The following GRAMD1A variants were observed in gnomAD, a reference collection of about 807,000 sequenced individuals.
GRAMD1A encodes the protein protein Aster-A.
Under a neutral mutation model 92.0 loss-of-function variants are expected in GRAMD1A, and 50 were observed. The ratio of observed to expected loss-of-function variants is 0.54; its 90% CI spans 0.43 to 0.69. The LOEUF (loss-of-function observed/expected upper bound fraction) is 0.69, where lower values mean the gene tolerates loss of function less well. Among genes scored for constraint, GRAMD1A ranks in the 30% least tolerant of loss-of-function variants. The pLI is 0.00. For synonymous variants in GRAMD1A, 405 were observed against 403.6 expected, an observed-to-expected ratio of 1.00 and a Z score of -0.04; for missense variants, 819 against 978.9, an observed-to-expected ratio of 0.84 and a Z score of 2.18.
chr19:35,000,986 G>A lies in GRAMD1A; in HGVS notation c.8+500G>A, dbSNP rs532961811. ...GTCCTTGGCTGTTGCGGGTCTCGGG[G>A]CTGCCGGGGGTGGGGGCTTCCTGCG... On this transcript the variant is annotated intron_variant, in intron 1 of 19. Transcript: ENST00000317991. The surrounding 1 kb of genome is among the most constrained non-coding windows in gnomAD (Gnocchi z 4.9). 5.9e-5 allele frequency among the ~76,000 whole-genome samples: 9 copies of A among 152,196 alleles called. No homozygotes were observed. The highest frequency in any genetic ancestry group is 8.8e-5 in the Non-Finnish European group (6 of 67,984).
intron 17 of GRAMD1A, 105 bp downstream of exon 17, chr19:35,023,016 T>G: frequency 1.1e-6 from 1 of 946,256 alleles, no homozygotes; most frequent in Admixed American, 2.2e-5. Flanking sequence ...GGAGGTGGCC[T>G]GGCATGGCAG....
intron 13 of GRAMD1A, among the ~76,000 whole-genome samples, chr19:35,020,470 G>A (rs1245991365): frequency 6.6e-6 from 1 of 152,056 alleles, no homozygotes; most frequent in African/African-American, 2.4e-5. Context: ...CCTAGGAGGT[G>A]GAGGTTGCAG....
chr19:34,996,293 T>C, upstream of GRAMD1A: 1 of 1,516,798 alleles, frequency 6.6e-7, no homozygotes, highest in Non-Finnish European at 8.8e-7. Context: ...CCAGGACAGG[T>C]CAGACCTGGG....
intron 11 of GRAMD1A, among the ~76,000 whole-genome samples, chr19:35,017,485 C>T (rs1266057075): frequency 1.3e-5 from 2 of 152,048 alleles, no homozygotes; most frequent in Admixed American, 6.6e-5. Context: ...TCCCATCTGA[C>T]ACGCTCCTCC....
rs140685696 is a variant in GRAMD1A at position 35,010,037 on chromosome 19, C to T, written c.326-55C>T. ...CTGTGACTCTCCGCCAGCCCGCGGG[C>T]GCCGGCTGAGCCTCGTGACTTGGGT... On this transcript the variant is annotated intron_variant, in intron 4 of 19. Transcript: ENST00000317991. 4,018 of 1,532,954 alleles carry T rather than the reference C, an allele frequency of 2.6e-3. 66 individuals carry two copies. In the African/African-American group the frequency reaches 0.045, roughly 17 times the overall value. 95.0% of individuals were successfully genotyped at this position (1,532,954 alleles called of 1,614,324 possible). A position where few individuals can be genotyped will look rare whatever the true frequency, so the allele number is the denominator to read the frequency against.
upstream of GRAMD1A, chr19:34,995,984 T>A (rs1300002138): frequency 8.7e-6 from 13 of 1,489,280 alleles, no homozygotes; most frequent in Non-Finnish European, 1.2e-5. Flanking sequence ...CTCTTTTTTC[T>A]CTTTCCCAGA....
chr19:34,996,925 GT>G (rs1230786677), upstream of GRAMD1A, among the ~76,000 whole-genome samples: 1 of 151,418 alleles, frequency 6.6e-6, no homozygotes, highest in Non-Finnish European at 1.5e-5. Context: ...ATCAGCCCTT[GT>G]TTTTTGTTTT....
At chr19:34,999,796 G>C (rs2014211988), upstream of GRAMD1A, among the ~76,000 whole-genome samples, 1 of 152,236 alleles carries the variant, frequency 6.6e-6, no homozygotes, top group Non-Finnish European at 1.5e-5. Context: ...CCAAAACTGG[G>C]AAGTCCCTAG....
At chr19:35,022,961 TG>T in intron 17 of GRAMD1A, 50 bp downstream of exon 17, 1 of 987,084 alleles carries the variant, frequency 1.0e-6, no homozygotes, top group Non-Finnish European at 1.3e-6. Context: ...ACCCCACCCC[TG>T]CTGCAGCCTC....
chr19:35,021,609 G>T lies in GRAMD1A; in HGVS notation c.1579+4G>T, dbSNP rs1424961929. Reference sequence around the variant, plus strand: ...GAAGACTATTTCCACCATCTGGGTAGGGACAGAAGGCCGGCTGGGGCGTGG... The same window carrying T: ...GAAGACTATTTCCACCATCTGGGTATGGACAGAAGGCCGGCTGGGGCGTGG... On this transcript the variant is annotated splice_donor_region_variant and intron_variant, in intron 14 of 19. Transcript: ENST00000317991. This position sits in a 1 kb window ranked among gnomAD's most constrained non-coding sequence, Gnocchi z 5.3. The T allele has an allele frequency of 6.2e-7, 1 of 1,613,614 alleles. No individual in the cohort carries two copies. Among genetic ancestry groups the T allele is most frequent in the Non-Finnish European group, 8.5e-7 (1 of 1,179,488 alleles).
rs377128038 is a variant in GRAMD1A, at chr19:35,010,077, C to T, written c.326-15C>T. Reference sequence around the variant, plus strand: ...GTGACTTGGGTGTCCTCCTGTCTCTCCCCGCCCCTCTCAGATTACTCCTGC... The same window carrying T: ...GTGACTTGGGTGTCCTCCTGTCTCTTCCCGCCCCTCTCAGATTACTCCTGC... On this transcript the variant is annotated splice_polypyrimidine_tract_variant and intron_variant, in intron 4 of 19. Transcript: ENST00000317991. 1.8e-5 allele frequency: 29 copies of T among 1,579,408 alleles called. No individual in the cohort carries two copies. The African/African-American group carries it at 3.5e-4, about 19-fold the overall frequency.
At position 35,014,879 on chromosome 19, in the gene GRAMD1A, A is replaced by AAAG. The variant is rs75371803; in HGVS notation, c.1069+492_1069+493insAAG. On this transcript the variant is annotated intron_variant, in intron 10 of 19. Coordinates refer to ENST00000317991, the MANE Select transcript of GRAMD1A (RefSeq NM_020895.5). ...CCGTTTTGTACAAAAAAGAAAAAAA[A>AAAG]GAAAAAACTAGGTGTGGTGGTGCAC... The AAAG allele has an allele frequency of 9.5e-3, 1,575 of 166,148 alleles. 45 individuals carry two copies. Among genetic ancestry groups the AAAG allele is most frequent in the South Asian group, 0.074 (517 of 6,958 alleles). 10.3% of individuals were successfully genotyped at this position (166,148 alleles called of 1,614,324 possible).
intron 6 of GRAMD1A, among the ~76,000 whole-genome samples, chr19:35,011,122 G>A (rs2015206531): frequency 6.9e-6 from 1 of 145,910 alleles, no homozygotes; most frequent in African/African-American, 2.6e-5. Flanking sequence ...AAAAAAAAAG[G>A]ATCAACTGAC....
At chr19:35,016,045 G>T in intron 11 of GRAMD1A, 78 bp downstream of exon 11, 1 of 1,483,396 alleles carries the variant, frequency 6.7e-7, no homozygotes, top group Non-Finnish European at 9.2e-7. Flanking sequence ...CAGGACAGGG[G>T]AAGGCACTGC....
At position 35,019,645 on chromosome 19, in the gene GRAMD1A, G is replaced by A. The variant is rs564520661; in HGVS notation, c.1475+112G>A. On this transcript the variant is annotated intron_variant, in intron 13 of 19. Coordinates refer to ENST00000317991, the MANE Select transcript of GRAMD1A (RefSeq NM_020895.5). Reference sequence around the variant, plus strand: ...TTCCCACCCTGGTGGAGGAACAGAAGCGTGGGGTTCCTGAGGCCCTTGTCC... The same window carrying A: ...TTCCCACCCTGGTGGAGGAACAGAAACGTGGGGTTCCTGAGGCCCTTGTCC... 36 of 1,076,206 alleles carry A rather than the reference G, an allele frequency of 3.3e-5. 1 individual carries two copies. Among genetic ancestry groups the A allele is most frequent in the African/African-American group, 3.0e-4 (19 of 64,356 alleles). 66.7% of individuals were successfully genotyped at this position (1,076,206 alleles called of 1,614,324 possible).
chr19:35,016,980 T>C (rs2151725733), intron 11 of GRAMD1A, among the ~76,000 whole-genome samples: 1 of 149,534 alleles, frequency 6.7e-6, no homozygotes, highest in Admixed American at 6.7e-5. Flanking sequence ...GAGACCAGCC[T>C]GGGCAACATA....
rs1283462461 is a variant in GRAMD1A at position 35,000,348 on chromosome 19, TG to T, written c.-126del. 2 of 1,080,544 alleles carry T rather than the reference TG, an allele frequency of 1.9e-6. No homozygotes were observed. Among genetic ancestry groups the T allele is most frequent in the Admixed American group, 5.2e-5 (1 of 19,158 alleles). 66.9% of individuals were successfully genotyped at this position (1,080,544 alleles called of 1,614,324 possible). On this transcript the variant is annotated 5_prime_UTR_variant, in exon 1 of 20. Transcript: ENST00000317991. The surrounding 1 kb of genome is among the most constrained non-coding windows in gnomAD (Gnocchi z 4.9). ...CTTTTGTGCGGGCGGTTGGGTCGGG[TG>T]GGGGCGGCGGCCGCGGAAGGCCAGG...
upstream of GRAMD1A, chr19:34,996,190 C>T: frequency 3.3e-6 from 5 of 1,535,766 alleles, no homozygotes; most frequent in Non-Finnish European, 4.4e-6. Context: ...CCATCATTCA[C>T]ATAACGCCAT....
intron 1 of GRAMD1A, chr19:34,994,898 A>G (rs1272244181): frequency 6.6e-6 from 1 of 152,280 alleles, no homozygotes; most frequent in Non-Finnish European, 1.5e-5. Flanking sequence ...CTTTTCCAAA[A>G]CAGGGGAAAC....
Sources: allele counts gnomAD v4.1 joint callset (sites outside exome capture counted in the v4.1 genomes callset), GRCh38; gene constraint gnomAD v4.1.1; non-coding constraint Gnocchi (gnomAD v3.1); transcripts MANE v1.5; gene names NCBI Gene and HGNC (gene_info 2026-07-23, HGNC 2026-07-21).